The following CCDC194 variants were observed in gnomAD, a reference collection of about 807,000 sequenced individuals.
The protein encoded by CCDC194 is coiled-coil domain-containing protein 194.
Under a neutral mutation model 4.9 loss-of-function variants are expected in CCDC194, and 8 were observed. That is an observed-to-expected ratio of 1.65 (90% CI 0.97 to 2.97). The LOEUF is 2.97. Among genes scored for constraint, CCDC194 ranks in the 30% most tolerant of loss-of-function variants. CCDC194 has a pLI of 0.00. For synonymous variants in CCDC194, 13 were observed against 17.0 expected, an observed-to-expected ratio of 0.76 and a Z score of 0.58; for missense variants, 52 against 43.1, an observed-to-expected ratio of 1.21 and a Z score of -0.58.
intron 3 of CCDC194, 121 bp downstream of exon 3, chr19:17,391,090 C>G (rs2074652575): frequency 1.1e-5 from 4 of 361,104 alleles, no homozygotes; most frequent in South Asian, 1.5e-4. Flanking sequence ...AACAATGCCC[C>G]CCCCCCACCA....
downstream of CCDC194, among the ~76,000 whole-genome samples, chr19:17,389,431 T>C (rs777530629): frequency 1.4e-4 from 22 of 152,224 alleles, no homozygotes; most frequent in Non-Finnish European, 2.6e-4. Context: ...TGATTCAACC[T>C]ACAGATTCTC....
At chr19:17,393,782 T>G (rs891968505) in intron 1 of CCDC194, 53 bp downstream of exon 1, 7 of 393,364 alleles carry the variant, frequency 1.8e-5, no homozygotes, top group Non-Finnish European at 2.7e-5. Context: ...GCAGGCCGTC[T>G]CTTATCTCAA....
At position 17,390,551 on chromosome 19, in the gene CCDC194, G is replaced by C. The variant is rs1309918237; in HGVS notation, c.663C>G (p.Pro221=). 1 of 396,884 alleles carries C rather than the reference G, an allele frequency of 2.5e-6. No individual in the cohort carries two copies. Among genetic ancestry groups the C allele is most frequent in the East Asian group, 3.6e-5 (1 of 27,970 alleles). The allele number at this position is 396,884 out of a possible 1,614,324, so 24.6% of individuals were successfully genotyped here. ...GCGCCGGCCGCCGGCAGCCCCCGGA[G>C]GGTCCGGAGCGAGAGCGCGAGCGAG... is the stretch of plus-strand genomic sequence containing the variant. The change falls in exon 4 of 4, where the codon CCC becomes CCG. Residue 221 remains proline, a synonymous_variant. Coordinates refer to ENST00000636079, the Ensembl canonical transcript of CCDC194. This position sits in a 1 kb window ranked among gnomAD's most constrained non-coding sequence, Gnocchi z 5.5.
rs2074650835 is a variant in CCDC194 at position 17,390,664 on chromosome 19, C to T, written c.555-5G>A. ...ATCTCGGCTTCCAGGACGTTACTGC[C>T]GGGAAGGGGGAAGGGGGCTGTCAGC... is the stretch of plus-strand genomic sequence containing the variant. On this transcript the variant is annotated splice_region_variant and splice_polypyrimidine_tract_variant and intron_variant, in intron 3 of 3. Coordinates refer to ENST00000636079, the Ensembl canonical transcript of CCDC194. The surrounding 1 kb of genome is among the most constrained non-coding windows in gnomAD (Gnocchi z 5.5). The T allele has an allele frequency of 5.0e-6, 2 of 397,880 alleles. No homozygotes were observed. The highest frequency in any genetic ancestry group is 1.3e-4 in the South Asian group (1 of 7,856). The allele number at this position is 397,880 out of a possible 1,614,324, so 24.6% of individuals were successfully genotyped here. A position where few individuals can be genotyped will look rare whatever the true frequency, so the allele number is the denominator to read the frequency against.
downstream of CCDC194, among the ~76,000 whole-genome samples, chr19:17,389,675 A>G (rs1007999475): frequency 6.6e-6 from 1 of 152,188 alleles, no homozygotes; most frequent in African/African-American, 2.4e-5. Context: ...AGTGTAGGTT[A>G]AAAACATGGG....
At chr19:17,387,730 A>AG (rs1555732000), downstream of CCDC194, among the ~76,000 whole-genome samples, 7 of 152,058 alleles carry the variant, frequency 4.6e-5, no homozygotes, top group African/African-American at 9.7e-5. Context: ...AAAAGAAAAA[A>AG]AAAGAAAGAA....
In CCDC194 at chr19:17,390,987, G is replaced by A. The variant is rs1168290102; in HGVS notation, c.554+224C>T. Among the ~76,000 whole-genome samples, 1 of 151,954 alleles carries A rather than the reference G, an allele frequency of 6.6e-6. No homozygotes were observed. The highest frequency in any genetic ancestry group is 1.5e-5 in the Non-Finnish European group (1 of 67,990). The stretch of plus-strand genomic sequence containing the variant: ...CCGACGCTGGATCCTGGGGACCTAA[G>A]TTTCTAGAATGCCCGCCCCAGCCTG... On this transcript the variant is annotated intron_variant, in intron 3 of 3. Transcript: ENST00000636079. The surrounding 1 kb of genome is among the most constrained non-coding windows in gnomAD (Gnocchi z 5.5).
intron 1 of CCDC194, among the ~76,000 whole-genome samples, chr19:17,392,841 C>G (rs577455862): frequency 4.3e-4 from 66 of 152,176 alleles, no homozygotes; most frequent in Non-Finnish European, 7.8e-4. Context: ...GCCATCACAC[C>G]TGGCTAATTT....
chr19:17,394,000 G>A (rs547898573), exon 1 of CCDC194: 1 of 392,150 alleles, frequency 2.6e-6, no homozygotes, highest in African/African-American at 2.1e-5. Context: ...CCGTGGCATT[G>A]GCCCCTGGCT....
At chr19:17,391,162 C>T in intron 3 of CCDC194, 49 bp downstream of exon 3, 1 of 396,098 alleles carries the variant, frequency 2.5e-6, no homozygotes, top group Non-Finnish European at 4.5e-6. Flanking sequence ...GCATTGGTCG[C>T]GCCCTCCCCG....
intron 1 of CCDC194, among the ~76,000 whole-genome samples, chr19:17,393,368 C>T (rs1165504160): frequency 6.9e-6 from 1 of 144,078 alleles, no homozygotes; most frequent in African/African-American, 2.7e-5. Context: ...TAGCAAAGGA[C>T]AGTGAGACTT....
intron 1 of CCDC194, 69 bp from the exon 2 acceptor site, chr19:17,391,915 T>C: frequency 3.6e-6 from 5 of 1,395,676 alleles, no homozygotes; most frequent in South Asian, 1.5e-5. Flanking sequence ...GCCTGGCCCT[T>C]TTGGGGACAG....
chr19:17,388,095 C>T (rs1299598231), downstream of CCDC194, among the ~76,000 whole-genome samples: 1 of 151,724 alleles, frequency 6.6e-6, no homozygotes, highest in Non-Finnish European at 1.5e-5. Context: ...ACCGTGTTAG[C>T]CAGGATGGTC....
rs2074655179 is a variant in CCDC194, at chr19:17,391,678, G to C, written c.421+72C>G. 11 of 1,535,340 alleles carry C rather than the reference G, an allele frequency of 7.2e-6. No homozygotes were observed. In the East Asian group the frequency reaches 2.7e-4, roughly 38 times the overall value. On this transcript the variant is annotated intron_variant, in intron 2 of 3. Transcript: ENST00000636079. ...TTGCATTACGTTTGCAACTGTGCTTGTTTGGATAACTAGGATTCACCTAGG... is the reference window on the plus strand; with the variant it reads ...TTGCATTACGTTTGCAACTGTGCTTCTTTGGATAACTAGGATTCACCTAGG...
At chr19:17,389,335 C>A (rs181621410), downstream of CCDC194, among the ~76,000 whole-genome samples, 60 of 152,248 alleles carry the variant, frequency 3.9e-4, no homozygotes, top group East Asian at 8.3e-3. Context: ...AACAAGAAAA[C>A]CCACTAATAC....
chr19:17,391,381 C>T, intron 2 of CCDC194, 38 bp from the exon 3 acceptor site: 1 of 500,118 alleles, frequency 2.0e-6, no homozygotes. Flanking sequence ...TGGAGACTCC[C>T]GCGCCCACCC....
chr19:17,391,474 C>A, intron 2 of CCDC194, 131 bp from the exon 3 acceptor site: 1 of 650,104 alleles, frequency 1.5e-6, no homozygotes, highest in South Asian at 2.0e-5. Flanking sequence ...TAGTGTGTAC[C>A]ATTGCATGGC....
At chr19:17,389,517 A>C (rs1254972494), downstream of CCDC194, among the ~76,000 whole-genome samples, 1 of 152,142 alleles carries the variant, frequency 6.6e-6, no homozygotes, top group African/African-American at 2.4e-5. Context: ...ACTACTTGAC[A>C]GTGGACGTCC....
downstream of CCDC194, among the ~76,000 whole-genome samples, chr19:17,389,602 C>A (rs1400273566): frequency 6.6e-6 from 1 of 152,158 alleles, no homozygotes; most frequent in Non-Finnish European, 1.5e-5. Context: ...ATTAGTATAG[C>A]AATTAACAGA....
Sources: allele counts gnomAD v4.1 joint callset (sites outside exome capture counted in the v4.1 genomes callset), GRCh38; gene constraint gnomAD v4.1.1; non-coding constraint Gnocchi (gnomAD v3.1); transcripts MANE v1.5; gene names NCBI Gene and HGNC (gene_info 2026-07-23, HGNC 2026-07-21).